Variants in PRKCE observed in about 807,000 individuals in gnomAD.
PRKCE encodes the protein protein kinase C epsilon type.
Under a neutral mutation model 85.4 loss-of-function variants are expected in PRKCE, and 16 were observed. The ratio of observed to expected loss-of-function variants is 0.19; its 90% CI spans 0.13 to 0.28. The LOEUF is 0.28. PRKCE is among the 10% of genes least tolerant of loss of function. The pLI, the probability that PRKCE is intolerant of heterozygous loss-of-function variation, is 1.00. For synonymous variants in PRKCE, 388 were observed against 371.5 expected (o/e 1.04, Z -0.51); for missense variants, 573 against 975.2 (o/e 0.59, Z 5.49).
intron 6 of PRKCE, among the ~76,000 whole-genome samples, chr2:45,989,025 C>T (rs1364307216): frequency 6.6e-6 from 1 of 152,150 alleles, no homozygotes; most frequent in South Asian, 2.1e-4. Flanking sequence ...TCCCATCCCC[C>T]ACACTCATGT....
chr2:45,950,875 G>A (rs1334990271), intron 2 of PRKCE, among the ~76,000 whole-genome samples: 1 of 152,138 alleles, frequency 6.6e-6, no homozygotes, highest in Admixed American at 6.5e-5. Flanking sequence ...GGACCTCTCA[G>A]AACTGGCTCC....
intron 2 of PRKCE, among the ~76,000 whole-genome samples, chr2:45,860,006 A>G (rs1693015154): frequency 6.6e-6 from 1 of 152,148 alleles, no homozygotes; most frequent in Admixed American, 6.5e-5. Flanking sequence ...CTTCCTGGAA[A>G]TCTTTTTTGT....
chr2:45,948,482 A>G (rs1036356549), intron 2 of PRKCE, among the ~76,000 whole-genome samples: 23 of 152,134 alleles, frequency 1.5e-4, no homozygotes, highest in African/African-American at 5.6e-4. Flanking sequence ...TCTAAAAAAT[A>G]TTTAAAAATT....
chr2:46,125,976 T>G (rs1238589544), intron 11 of PRKCE, among the ~76,000 whole-genome samples: 2 of 152,212 alleles, frequency 1.3e-5, no homozygotes, highest in African/African-American at 4.8e-5. Context: ...ATGGCAGATG[T>G]AAGCAGCAGG....
chr2:45,872,484 A>T (rs1470245968), intron 2 of PRKCE, among the ~76,000 whole-genome samples: 2 of 152,158 alleles, frequency 1.3e-5, no homozygotes, highest in African/African-American at 4.8e-5. Flanking sequence ...CCTGAGGTTT[A>T]ACAGCATCAT....
chr2:45,752,149 A>C (rs1438684955), intron 1 of PRKCE, among the ~76,000 whole-genome samples: 1 of 152,248 alleles, frequency 6.6e-6, no homozygotes, highest in Non-Finnish European at 1.5e-5. Flanking sequence ...ACAAGTGAAC[A>C]TCACATGGAA....
In PRKCE at chr2:46,184,962, C is replaced by G. The variant is rs1401553858; in HGVS notation, c.*81C>G. ...CCTGTGTTGGAGACACTCAGCAGGT[C>G]TTGAACTACTTCTCCTCCTCGGAGC... On this transcript the variant is annotated 3_prime_UTR_variant, in exon 15 of 15. Transcript: ENST00000306156. The surrounding 1 kb of genome is among the most constrained non-coding windows in gnomAD (Gnocchi z 5.0). 3.3e-6 allele frequency: 5 copies of G among 1,533,836 alleles called. No individual in the cohort carries two copies. Among genetic ancestry groups the G allele is most frequent in the Non-Finnish European group, 3.5e-6 (4 of 1,133,124 alleles).
At chr2:46,049,235 C>T (rs938750279) in intron 10 of PRKCE, among the ~76,000 whole-genome samples, 3 of 152,136 alleles carry the variant, frequency 2.0e-5, no homozygotes, top group Non-Finnish European at 4.4e-5. Flanking sequence ...CCAGGGACCT[C>T]AGGGTTTCTG....
In PRKCE at chr2:46,007,596, G is replaced by C; in HGVS notation, c.1198G>C (p.Ala400Pro). 6.3e-7 allele frequency: 1 copy of C among 1,599,778 alleles called. No homozygotes were observed. Among genetic ancestry groups the C allele is most frequent in the Non-Finnish European group, 8.5e-7 (1 of 1,179,958 alleles). Residue 400 changes from alanine (A) to proline (P), a missense_variant, in exon 9 of 15, where the codon GCC (alanine) becomes CCC (proline). Transcript: ENST00000306156. ...GAATGGCGAAGTCCGGCAAGGCCAGGCCAAGCGCCTGGGCCTGGATGAGTT... is the reference window on the plus strand; with the variant it reads ...GAATGGCGAAGTCCGGCAAGGCCAGCCCAAGCGCCTGGGCCTGGATGAGTT... ...GENGEVRQGQ[A>P]KRLGLDEFNF...
At chr2:46,103,560 T>G (rs1381125370) in intron 11 of PRKCE, among the ~76,000 whole-genome samples, 2 of 151,754 alleles carry the variant, frequency 1.3e-5, no homozygotes, top group Non-Finnish European at 2.9e-5. Flanking sequence ...AACATGGGAG[T>G]GAGTGAGCAA....
chr2:45,715,308 A>T lies in PRKCE; in HGVS notation c.348+62860A>T, dbSNP rs541100619. Among the ~76,000 whole-genome samples, 143 of 152,334 alleles carry T rather than the reference A, an allele frequency of 9.4e-4. 1 individual carries two copies. The highest frequency in any genetic ancestry group is 3.0e-3 in the African/African-American group (126 of 41,586). The stretch of plus-strand genomic sequence containing the variant: ...GATCTTGTCACCTCTGCTAGGCTTA[A>T]GCTCCTTGTGGGAGGAAGCTTCTTG... On this transcript the variant is annotated intron_variant, in intron 1 of 14. Coordinates refer to ENST00000306156, the MANE Select transcript of PRKCE (RefSeq NM_005400.3).
intron 2 of PRKCE, among the ~76,000 whole-genome samples, chr2:45,862,958 C>G (rs1371009539): frequency 1.3e-5 from 2 of 152,202 alleles, no homozygotes; most frequent in African/African-American, 2.4e-5. Context: ...CAGCCTTACT[C>G]ACTCTCTAAT....
At chr2:46,014,408 G>C (rs1238187402) in intron 10 of PRKCE, among the ~76,000 whole-genome samples, 1 of 151,972 alleles carries the variant, frequency 6.6e-6, no homozygotes, top group African/African-American at 2.4e-5. Context: ...TTTTATAAAG[G>C]TAGGGTGCTT....
chr2:46,130,439 G>C (rs939049346), intron 11 of PRKCE, among the ~76,000 whole-genome samples: 1 of 152,022 alleles, frequency 6.6e-6, no homozygotes, highest in African/African-American at 2.4e-5. Flanking sequence ...ATATAGAAAC[G>C]TTGAGAGTTA....
At chr2:45,947,272 A>G (rs918012388) in intron 2 of PRKCE, among the ~76,000 whole-genome samples, 4 of 152,216 alleles carry the variant, frequency 2.6e-5, no homozygotes, top group Admixed American at 6.5e-5. Flanking sequence ...AGGAACATCC[A>G]TAGAGATAAA....
At chr2:45,808,082 C>T (rs1201461769) in intron 1 of PRKCE, among the ~76,000 whole-genome samples, 1 of 152,102 alleles carries the variant, frequency 6.6e-6, no homozygotes, top group East Asian at 1.9e-4. Flanking sequence ...GCATAGTGGT[C>T]ACTCCCTCTC....
chr2:45,717,371 A>G (rs1372115288), intron 1 of PRKCE, among the ~76,000 whole-genome samples: 1 of 152,176 alleles, frequency 6.6e-6, no homozygotes, highest in Non-Finnish European at 1.5e-5. Context: ...CTCTCAATCA[A>G]TCATCTATCT....
intron 6 of PRKCE, among the ~76,000 whole-genome samples, chr2:45,985,462 G>A (rs1261742531): frequency 6.6e-6 from 1 of 151,942 alleles, no homozygotes; most frequent in Non-Finnish European, 1.5e-5. Context: ...TACTAGGCAG[G>A]GATATTGCAT....
chr2:46,107,156 T>C (rs904762787), intron 11 of PRKCE, among the ~76,000 whole-genome samples: 1 of 152,312 alleles, frequency 6.6e-6, no homozygotes, highest in Admixed American at 6.5e-5. Context: ...TCCAACTCTC[T>C]CCTCCTCCCT....
Sources: allele counts gnomAD v4.1 joint callset (sites outside exome capture counted in the v4.1 genomes callset), GRCh38; gene constraint gnomAD v4.1.1; non-coding constraint Gnocchi (gnomAD v3.1); transcripts MANE v1.5; gene names NCBI Gene and HGNC (gene_info 2026-07-23, HGNC 2026-07-21).